The following CABP2 variants were observed in gnomAD, a reference collection of about 807,000 sequenced individuals.
CABP2 encodes the protein calcium binding protein 2.
In CABP2, 25 loss-of-function variants were observed where a neutral mutation model predicts 28.6. The observed-to-expected ratio is 0.87, with a 90% CI of 0.64 to 1.22. The LOEUF (loss-of-function observed/expected upper bound fraction) is 1.22, where lower values mean the gene tolerates loss of function less well. CABP2 is among the 50% of genes most tolerant of loss of function. CABP2 has a pLI of 0.00. For synonymous variants in CABP2, 138 were observed against 126.0 expected (o/e 1.09, Z -0.64); for missense variants, 310 against 312.2 (o/e 0.99, Z 0.05).
In CABP2 at chr11:67,521,015, A is replaced by G; in HGVS notation, c.379+10T>C. 1 of 1,611,770 alleles carries G rather than the reference A, an allele frequency of 6.2e-7. No homozygotes were observed. The highest frequency in any genetic ancestry group is 8.5e-7 in the Non-Finnish European group (1 of 1,178,578). Reference sequence around the variant, plus strand: ...AGGACTGGGGATGGGGATGGGTCCGAGGCACATACTGATTTGTTGTGAGAT... The same window carrying G: ...AGGACTGGGGATGGGGATGGGTCCGGGGCACATACTGATTTGTTGTGAGAT... On this transcript the variant is annotated intron_variant, in intron 4 of 6. Coordinates refer to ENST00000294288, the MANE Select transcript of CABP2 (RefSeq NM_016366.3).
chr11:67,521,251 C>T lies in CABP2; in HGVS notation c.245-92G>A, dbSNP rs1866744490. ...CTTCTCCCTTGGTCCAATCATCCCT[C>T]CTTCTGAACATCAGATTCTCTTTGC... is the stretch of plus-strand genomic sequence containing the variant. On this transcript the variant is annotated intron_variant, in intron 3 of 6. Coordinates refer to ENST00000294288, the MANE Select transcript of CABP2 (RefSeq NM_016366.3). The T allele has an allele frequency of 3.8e-6, 5 of 1,314,500 alleles. No individual in the cohort carries two copies. In the East Asian group the frequency reaches 1.0e-4, roughly 26 times the overall value. The allele number at this position is 1,314,500 out of a possible 1,614,324, so 81.4% of individuals were successfully genotyped here.
chr11:67,522,709 A>G lies in CABP2; in HGVS notation c.50T>C (p.Leu17Ser). ...CCTTGGTGGGGAGCCGAGCCACTGC[A>G]AGGGGTCCTGCAGCAGAGCCGGCCG... ...RPWRRGPKDP[L>S]QWLGSPPRGS... The change falls in exon 2 of 7, where the codon TTG becomes TCG. Residue 17 changes from leucine (L) to serine (S), a missense_variant. Transcript: ENST00000294288. The G allele has an allele frequency of 6.7e-7, 1 of 1,499,128 alleles. No individual in the cohort carries two copies. Among genetic ancestry groups the G allele is most frequent in the Non-Finnish European group, 8.9e-7 (1 of 1,119,720 alleles). The allele number at this position is 1,499,128 out of a possible 1,614,324, so 92.9% of individuals were successfully genotyped here. A position where few individuals can be genotyped will look rare whatever the true frequency, so the allele number is the denominator to read the frequency against.
chr11:67,520,198 G>T (rs1478711604), intron 4 of CABP2, 38 bp from the exon 5 acceptor site: 3 of 1,396,176 alleles, frequency 2.1e-6, no homozygotes, highest in Non-Finnish European at 2.0e-6. Context: ...GGGCATCAGA[G>T]ACCCCTGCCC....
In CABP2 at chr11:67,520,050, C is replaced by T; in HGVS notation, c.489+1G>A. On this transcript the variant is annotated splice_donor_variant, in intron 5 of 6. Transcript: ENST00000294288. LOFTEE classifies it high-confidence loss of function. The stretch of plus-strand genomic sequence containing the variant: ...CCCGCCCTCAGCCCCAGTGGCCGCA[C>T]CTCCCGGAAGGCGTCCCGTAGCTCC... 2.5e-6 allele frequency: 4 copies of T among 1,611,678 alleles called. No homozygotes were observed. The highest frequency in any genetic ancestry group is 3.4e-6 in the Non-Finnish European group (4 of 1,179,576).
chr11:67,519,276 G>T, intron 6 of CABP2, 112 bp from the exon 7 acceptor site: 2 of 1,027,052 alleles, frequency 1.9e-6, no homozygotes, highest in Non-Finnish European at 3.1e-6. Flanking sequence ...GGGTCTTCAA[G>T]GGCATCCTCT....
At chr11:67,522,510 G>A in intron 2 of CABP2, 36 bp downstream of exon 2, 1 of 1,552,236 alleles carries the variant, frequency 6.4e-7, no homozygotes, top group East Asian at 2.4e-5. Context: ...AGAGGGGCAA[G>A]GGCAGGCAGG....
In CABP2 at chr11:67,519,897, C is replaced by T. The variant is rs765829174; in HGVS notation, c.533G>A (p.Arg178Gln). 47 of 1,612,230 alleles carry T rather than the reference C, an allele frequency of 2.9e-5. No homozygotes were observed. In the South Asian group the frequency reaches 4.0e-4, roughly 14 times the overall value. The change falls in exon 6 of 7, where the codon CGG becomes CAG. Residue 178 changes from arginine (R) to glutamine (Q), a missense_variant. Coordinates refer to ENST00000294288, the MANE Select transcript of CABP2 (RefSeq NM_016366.3). ...GDGRISVGEL[R>Q]AALKALLGER... is the part of the protein sequence containing the mutation. ...CCCCAGCAGGGCCTTGAGGGCCGCC[C>T]GGAGCTCGCCCACGCTGATGCGGCC...
rs898495146 is a variant in CABP2 at position 67,522,472 on chromosome 11, G to A, written c.213+74C>T. ...GGCAAGGGTAGGTGGGCTGGAGTGC[G>A]AGGGGCAAGGGCAGGTGAGCTGGTG... On this transcript the variant is annotated intron_variant, in intron 2 of 6. Coordinates refer to ENST00000294288, the MANE Select transcript of CABP2 (RefSeq NM_016366.3). The A allele has an allele frequency of 1.8e-5, 27 of 1,491,092 alleles. No homozygotes were observed. The African/African-American group carries it at 2.5e-4, about 14-fold the overall frequency. The allele number at this position is 1,491,092 out of a possible 1,614,324, so 92.4% of individuals were successfully genotyped here.
chr11:67,523,060 G>A (rs1866774067), intron 1 of CABP2, among the ~76,000 whole-genome samples: 1 of 152,222 alleles, frequency 6.6e-6, no homozygotes, highest in Non-Finnish European at 1.5e-5. Flanking sequence ...TGGGGCAGCT[G>A]GACGGGCAGC....
At position 67,521,893 on chromosome 11, in the gene CABP2, C is replaced by T. The variant is rs1866752314; in HGVS notation, c.244+59G>A. ...ATGCCCCCCCAACCCTGTGTCCCCACCCCATGCCCCCCATGCCACCTCCCC... is the reference window on the plus strand; with the variant it reads ...ATGCCCCCCCAACCCTGTGTCCCCATCCCATGCCCCCCATGCCACCTCCCC... On this transcript the variant is annotated intron_variant, in intron 3 of 6. Coordinates refer to ENST00000294288, the MANE Select transcript of CABP2 (RefSeq NM_016366.3). 10 of 1,152,418 alleles carry T rather than the reference C, an allele frequency of 8.7e-6. No homozygotes were observed. The Admixed American group carries it at 1.5e-4, about 18-fold the overall frequency. 71.4% of individuals were successfully genotyped at this position (1,152,418 alleles called of 1,614,324 possible).
Position 67,519,998 on chromosome 11 carries a change from C to T in CABP2, c.489+53G>A, listed in dbSNP as rs685350. 6.7e-3 allele frequency: 10,762 copies of T among 1,599,598 alleles called. 69 individuals are homozygous for T. The highest frequency in any genetic ancestry group is 0.016 in the South Asian group (1,427 of 90,362). On this transcript the variant is annotated intron_variant, in intron 5 of 6. Coordinates refer to ENST00000294288, the MANE Select transcript of CABP2 (RefSeq NM_016366.3). ...TGACAGTCATTCACACGCGCAGCCC[C>T]TCACTCACGGCAGACACGCAGCCCT...
chr11:67,523,064 G>A (rs1045248177), intron 1 of CABP2, among the ~76,000 whole-genome samples: 10 of 152,204 alleles, frequency 6.6e-5, no homozygotes, highest in Non-Finnish European at 1.2e-4. Context: ...GCAGCTGGAC[G>A]GGCAGCTGGG....
rs749631612 is a variant in CABP2, at chr11:67,522,572, G to A, written c.187C>T (p.Arg63Trp). 25 of 1,555,874 alleles carry A rather than the reference G, an allele frequency of 1.6e-5. No individual in the cohort carries two copies. Among genetic ancestry groups the A allele is most frequent in the East Asian group, 2.4e-5 (1 of 41,334 alleles). The part of the protein sequence containing the change: ...SLVGPACIFL[R>W]PSIAATQLDR... The stretch of plus-strand genomic sequence containing the variant: ...AGTTGGGTGGCGGCAATGCTGGGCC[G>A]CAGGAAGATGCAGGCAGGCCCCACC... The change falls in exon 2 of 7, where the codon CGG becomes TGG. Residue 63 changes from arginine to tryptophan, a missense_variant. By Grantham distance (101) the Arg-to-Trp change is moderately radical. Coordinates refer to ENST00000294288, the MANE Select transcript of CABP2 (RefSeq NM_016366.3).
rs950724245 is a variant in CABP2, at chr11:67,522,699, G to T, written c.60C>A (p.Leu20=). ...RRGPKDPLQW[L]GSPPRGSCPS... is the part of the protein sequence containing the mutation. ...GGCAGGAGCCCCTTGGTGGGGAGCCGAGCCACTGCAAGGGGTCCTGCAGCA... is the reference window on the plus strand; with the variant it reads ...GGCAGGAGCCCCTTGGTGGGGAGCCTAGCCACTGCAAGGGGTCCTGCAGCA... The change falls in exon 2 of 7, where the codon CTC becomes CTA. Residue 20 remains leucine (L), a synonymous_variant. Coordinates refer to ENST00000294288, the MANE Select transcript of CABP2 (RefSeq NM_016366.3). The T allele has an allele frequency of 9.9e-5, 150 of 1,509,110 alleles. No individual in the cohort carries two copies. The highest frequency in any genetic ancestry group is 1.3e-4 in the Non-Finnish European group (142 of 1,124,872). The allele number at this position is 1,509,110 out of a possible 1,614,324, so 93.5% of individuals were successfully genotyped here.
chr11:67,522,682 C>A lies in CABP2; in HGVS notation c.77G>T (p.Gly26Val), dbSNP rs1871035. Residue 26 changes from glycine to valine, a missense_variant, in exon 2 of 7, where the codon GGC (glycine) becomes GTC (valine). By Grantham distance (109) the Gly-to-Val change is moderately radical (BLOSUM62 -3). Coordinates refer to ENST00000294288, the MANE Select transcript of CABP2 (RefSeq NM_016366.3). ...GCTGGAGCTGGGGCTGGGGCAGGAG[C>A]CCCTTGGTGGGGAGCCGAGCCACTG... ...PLQWLGSPPR[G>V]SCPSPSSSPK... 2 of 1,526,812 alleles carry A rather than the reference C, an allele frequency of 1.3e-6. No homozygotes were observed. Among genetic ancestry groups the A allele is most frequent in the East Asian group, 2.5e-5 (1 of 40,486 alleles). 94.6% of individuals were successfully genotyped at this position (1,526,812 alleles called of 1,614,324 possible). A position where few individuals can be genotyped will look rare whatever the true frequency, so the allele number is the denominator to read the frequency against.
chr11:67,518,967 G>A lies in CABP2; in HGVS notation c.*172C>T, dbSNP rs1056202694. ...AGAGAGACAGAGACAAGGCCAGGCG[G>A]CTTTATTGGAGAAGTGGTGGTGGGG... On this transcript the variant is annotated 3_prime_UTR_variant, in exon 7 of 7. Coordinates refer to ENST00000294288, the MANE Select transcript of CABP2 (RefSeq NM_016366.3). 7.7e-6 allele frequency: 5 copies of A among 645,572 alleles called. No homozygotes were observed. Among genetic ancestry groups the A allele is most frequent in the Non-Finnish European group, 1.1e-5 (4 of 358,578 alleles). 40.0% of individuals were successfully genotyped at this position (645,572 alleles called of 1,614,324 possible). A position where few individuals can be genotyped will look rare whatever the true frequency, so the allele number is the denominator to read the frequency against.
rs1866780078 is a variant in CABP2, at chr11:67,523,321, C to A, written c.6G>T (p.Gly2=). The change falls in exon 1 of 7, where the codon GGG becomes GGT. Residue 2 remains glycine (G), a synonymous_variant. Transcript: ENST00000294288. The part of the protein sequence containing the change: M[G]NCAKRPWRRG... ...GGCGCCAGGGCCGCTTGGCACAGTT[C>A]CCCATGGGCCCTGAACCATGCCAGG... 2 of 1,553,752 alleles carry A rather than the reference C, an allele frequency of 1.3e-6. No homozygotes were observed. The highest frequency in any genetic ancestry group is 1.7e-6 in the Non-Finnish European group (2 of 1,148,464).
Position 67,522,714 on chromosome 11 carries a change from G to A in CABP2, c.45C>T (p.Asp15=), listed in dbSNP as rs1487824234. 16 of 1,490,222 alleles carry A rather than the reference G, an allele frequency of 1.1e-5. No individual in the cohort carries two copies. The African/African-American group carries it at 2.0e-4, about 18-fold the overall frequency. The allele number at this position is 1,490,222 out of a possible 1,614,324, so 92.3% of individuals were successfully genotyped here. Residue 15 remains aspartate (D), a splice_region_variant and synonymous_variant, in exon 2 of 7, where the codon GAC becomes GAT. Transcript: ENST00000294288. ...AKRPWRRGPK[D]PLQWLGSPPR... ...GTGGGGAGCCGAGCCACTGCAAGGG[G>A]TCCTGCAGCAGAGCCGGCCGTGAGC...
At position 67,518,965 on chromosome 11, in the gene CABP2, C is replaced by T. The variant is rs982224783; in HGVS notation, c.*174G>A. On this transcript the variant is annotated 3_prime_UTR_variant, in exon 7 of 7. Transcript: ENST00000294288. ...TCAGAGAGACAGAGACAAGGCCAGG[C>T]GGCTTTATTGGAGAAGTGGTGGTGG... The T allele has an allele frequency of 1.2e-4, 74 of 636,704 alleles. No homozygotes were observed. Among genetic ancestry groups the T allele is most frequent in the African/African-American group, 1.1e-3 (59 of 54,376 alleles). 39.4% of individuals were successfully genotyped at this position (636,704 alleles called of 1,614,324 possible).
Sources: gnomAD v4.1 joint callset for allele counts (sites outside exome capture counted in the v4.1 genomes callset) on GRCh38, gnomAD v4.1.1 for gene constraint, MANE v1.5 for transcripts, NCBI Gene and HGNC (gene_info 2026-07-23, HGNC 2026-07-21) for gene names.